The following FHIP1B variants were observed in gnomAD, a reference collection of about 807,000 sequenced individuals.
The protein encoded by FHIP1B is FHF complex subunit HOOK interacting protein 1B, also known as FHF complex subunit HOOK-interacting protein 1B.
In FHIP1B, 28 loss-of-function variants were observed where a neutral mutation model predicts 82.2. The ratio of observed to expected loss-of-function variants is 0.34; its 90% CI spans 0.25 to 0.47. The LOEUF is 0.47. Among genes scored for constraint, FHIP1B ranks in the 20% least tolerant of loss-of-function variants. The pLI, the probability that FHIP1B is intolerant of heterozygous loss-of-function variation, is 1.00. For synonymous variants in FHIP1B, 585 were observed against 516.1 expected (o/e 1.13, Z -1.81); for missense variants, 1,110 against 1,262.6 (o/e 0.88, Z 1.83).
chr11:6,226,008 C>T (rs1847554731), intron 1 of FHIP1B, among the ~76,000 whole-genome samples: 1 of 152,108 alleles, frequency 6.6e-6, no homozygotes, highest in South Asian at 2.1e-4. Context: ...TTCTCCTTTA[C>T]AGCCACCACA....
chr11:6,223,631 C>A lies in FHIP1B; in HGVS notation c.756G>T (p.Ala252=). The change falls in exon 3 of 12, where the codon GCG becomes GCT. Residue 252 remains alanine (A), a synonymous_variant. Transcript: ENST00000449352. The surrounding 1 kb of genome is among the most constrained non-coding windows in gnomAD (Gnocchi z 4.8). ...AGSPTVGRYI[A]DHSYFCPVLA... ...TAACCGGGCAGAAGTAAGAGTGATCCGCGATGTAGCGGCCCACAGTGGGGC... is the reference window on the plus strand; with the variant it reads ...TAACCGGGCAGAAGTAAGAGTGATCAGCGATGTAGCGGCCCACAGTGGGGC... 6.3e-7 allele frequency: 1 copy of A among 1,598,286 alleles called. No homozygotes were observed. The highest frequency in any genetic ancestry group is 1.1e-5 in the South Asian group (1 of 88,582).
At position 6,224,154 on chromosome 11, in the gene FHIP1B, G is replaced by A. The variant is rs1365511145; in HGVS notation, c.233C>T (p.Thr78Ile). ...AVRNHTYQML[T>I]LLAEDRAVPS... ...AACTGCACGGTCCTCTGCCAGCAGT[G>A]TCAACATCTGGTAAGTGTGGTTGCG... The change falls in exon 3 of 12, where the codon ACA (threonine) becomes ATA (isoleucine). Residue 78 changes from threonine to isoleucine, a missense_variant. This residue lies in a region of FHIP1B where 467 missense variants were observed against 602.9 expected (regional missense o/e 0.77). Coordinates refer to ENST00000449352, the MANE Select transcript of FHIP1B (RefSeq NM_001098794.2). 4 of 1,614,064 alleles carry A rather than the reference G, an allele frequency of 2.5e-6. No homozygotes were observed. The East Asian group carries it at 6.7e-5, about 27-fold the overall frequency.
chr11:6,233,602 T>G (rs1847758640), intron 1 of FHIP1B, among the ~76,000 whole-genome samples: 1 of 152,220 alleles, frequency 6.6e-6, no homozygotes, highest in South Asian at 2.1e-4. Flanking sequence ...ACTAGCTTTT[T>G]AAAAAATTCA....
chr11:6,214,614 A>G (rs376491093), intron 10 of FHIP1B, 41 bp from the exon 11 acceptor site: 7 of 1,583,494 alleles, frequency 4.4e-6, no homozygotes, highest in Non-Finnish European at 5.2e-6. Flanking sequence ...GCAGCTCTAG[A>G]CTGATACAGT....
At chr11:6,218,818 C>A in intron 7 of FHIP1B, 55 bp from the exon 8 acceptor site, 2 of 1,596,342 alleles carry the variant, frequency 1.3e-6, no homozygotes, top group Non-Finnish European at 8.6e-7. Context: ...AAGGACAGGG[C>A]CTAGAGGAAC....
intron 8 of FHIP1B, 52 bp downstream of exon 8, chr11:6,218,548 T>C (rs756754195): frequency 1.2e-6 from 2 of 1,610,250 alleles, no homozygotes; most frequent in Admixed American, 1.7e-5. Flanking sequence ...CCCCAGAACC[T>C]AGGCCATACC....
At chr11:6,230,746 G>C (rs1469644408) in intron 1 of FHIP1B, among the ~76,000 whole-genome samples, 1 of 152,214 alleles carries the variant, frequency 6.6e-6, no homozygotes, top group African/African-American at 2.4e-5. Flanking sequence ...TGTCAAAAAG[G>C]AGGTGAAACT....
At chr11:6,225,782 A>G (rs1397763542) in intron 1 of FHIP1B, among the ~76,000 whole-genome samples, 1 of 152,152 alleles carries the variant, frequency 6.6e-6, no homozygotes, top group East Asian at 1.9e-4. Context: ...AGATGAGCAA[A>G]TAAGACCCTT....
intron 6 of FHIP1B, among the ~76,000 whole-genome samples, chr11:6,219,710 AAC>A (rs1847353399): frequency 6.6e-6 from 1 of 152,180 alleles, no homozygotes; most frequent in African/African-American, 2.4e-5. Flanking sequence ...AGGTAAAGAA[AAC>A]ACATATGTAA....
chr11:6,225,939 T>C lies in FHIP1B; in HGVS notation c.-191-1232A>G, dbSNP rs925753205. On this transcript the variant is annotated intron_variant, in intron 1 of 11. Coordinates refer to ENST00000449352, the MANE Select transcript of FHIP1B (RefSeq NM_001098794.2). ...TCGCTCCCAAGAAAATGGTAAGACA[T>C]CCTCACAAGAAAAAGGAAAAAAGTA... is the stretch of plus-strand genomic sequence containing the variant. Among the ~76,000 whole-genome samples, 3 of 152,052 alleles carry C rather than the reference T, an allele frequency of 2.0e-5. 1 individual carries two copies. Among genetic ancestry groups the C allele is most frequent in the Admixed American group, 1.3e-4 (2 of 15,254 alleles).
intron 1 of FHIP1B, among the ~76,000 whole-genome samples, chr11:6,230,040 G>T (rs939090509): frequency 6.6e-6 from 1 of 150,612 alleles, no homozygotes; most frequent in African/African-American, 2.4e-5. Context: ...CAGCCACAGA[G>T]TAAAAAGGGG....
In FHIP1B at chr11:6,211,541, G is replaced by T; in HGVS notation, c.2884C>A (p.Pro962Thr). The change falls in exon 12 of 12, where the codon CCT becomes ACT. Residue 962 changes from proline (P) to threonine (T), a missense_variant. Pro to Thr is a conservative substitution (Grantham distance 38, BLOSUM62 -1). Transcript: ENST00000449352. ...AGGGGCCCACAGCCTGAGATGAGAG[G>T]GCCAGATCCTTCCTCTGAAGTCTCC... ...LLETSEEGSG[P>T]LISGCGPLNP 6.2e-7 allele frequency: 1 copy of T among 1,612,156 alleles called. No individual in the cohort carries two copies. The highest frequency in any genetic ancestry group is 2.2e-5 in the East Asian group (1 of 44,866).
In FHIP1B at chr11:6,217,976, C is replaced by T. The variant is rs752890227; in HGVS notation, c.1610G>A (p.Arg537Gln). Residue 537 changes from arginine (R) to glutamine (Q), a missense_variant, in exon 9 of 12, where the codon CGG becomes CAG. Physicochemically the swap from Arg to Gln is conservative, Grantham distance 43. This residue lies in a region of FHIP1B where 418 missense variants were observed against 371.4 expected (regional missense o/e 1.13). Coordinates refer to ENST00000449352, the MANE Select transcript of FHIP1B (RefSeq NM_001098794.2). ...SASPASSPGR[R>Q]PTPAEEPGEL... ...TCCAGGCTCCTCTGCAGGGGTAGGCCGTCGGCCAGGGCTGGAGGCGGGGGA... is the reference window on the plus strand; with the variant it reads ...TCCAGGCTCCTCTGCAGGGGTAGGCTGTCGGCCAGGGCTGGAGGCGGGGGA... The T allele has an allele frequency of 6.3e-5, 101 of 1,613,208 alleles. No homozygotes were observed. The highest frequency in any genetic ancestry group is 7.9e-5 in the Non-Finnish European group (93 of 1,180,006).
Position 6,223,509 on chromosome 11 carries a change from G to A in FHIP1B, c.777+101C>T. The A allele has an allele frequency of 4.9e-6, 7 of 1,416,356 alleles. No homozygotes were observed. Among genetic ancestry groups the A allele is most frequent in the Non-Finnish European group, 6.7e-6 (7 of 1,045,216 alleles). The allele number at this position is 1,416,356 out of a possible 1,614,324, so 87.7% of individuals were successfully genotyped here. On this transcript the variant is annotated intron_variant, in intron 3 of 11. Coordinates refer to ENST00000449352, the MANE Select transcript of FHIP1B (RefSeq NM_001098794.2). The surrounding 1 kb of genome is among the most constrained non-coding windows in gnomAD (Gnocchi z 4.8). ...CAAATCCAGGAACTGTTTCCTAGGG[G>A]AACGGGCCCTGGAACATAGCCTCTC...
intron 11 of FHIP1B, 149 bp downstream of exon 11, chr11:6,214,262 C>G (rs1050989084): frequency 4.1e-6 from 4 of 965,584 alleles, no homozygotes; most frequent in Non-Finnish European, 6.2e-6. Context: ...TGTCCCCTGA[C>G]CAGAAGCCTG....
In FHIP1B at chr11:6,223,762, G is replaced by T; in HGVS notation, c.625C>A (p.Arg209Ser). 1 of 1,614,210 alleles carries T rather than the reference G, an allele frequency of 6.2e-7. No homozygotes were observed. The highest frequency in any genetic ancestry group is 8.5e-7 in the Non-Finnish European group (1 of 1,180,024). The change falls in exon 3 of 12, where the codon CGT becomes AGT. Residue 209 changes from arginine to serine, a missense_variant. Coordinates refer to ENST00000449352, the MANE Select transcript of FHIP1B (RefSeq NM_001098794.2). The surrounding 1 kb of genome is among the most constrained non-coding windows in gnomAD (Gnocchi z 4.8). ...QPPPEPGAAP[R>S]LLLFSRLVPF... ...ACAAGGCGAGAAAAGAGAAGAAGAC[G>T]GGGAGCGGCTCCAGGCTCAGGAGGT...
At chr11:6,215,830 T>C (rs1310939743) in intron 9 of FHIP1B, among the ~76,000 whole-genome samples, 3 of 152,126 alleles carry the variant, frequency 2.0e-5, no homozygotes, top group East Asian at 3.8e-4. Flanking sequence ...AAAGGGAGTA[T>C]ATATCTAAGA....
intron 1 of FHIP1B, among the ~76,000 whole-genome samples, chr11:6,233,844 T>C (rs1847766955): frequency 6.6e-6 from 1 of 152,172 alleles, no homozygotes; most frequent in African/African-American, 2.4e-5. Context: ...AGAGGGCCCA[T>C]CTTCAACTAT....
intron 9 of FHIP1B, chr11:6,216,955 C>T (rs73392989): frequency 2.3e-4 from 146 of 627,464 alleles, no homozygotes; most frequent in African/African-American, 2.1e-3. Flanking sequence ...ATAAACTGGA[C>T]GGAATGGCAT....
Sources: gnomAD v4.1 joint callset for allele counts (sites outside exome capture counted in the v4.1 genomes callset) on GRCh38, gnomAD v4.1.1 for gene constraint, gnomAD v4.1.1 regional missense constraint, Gnocchi (gnomAD v3.1) non-coding constraint, MANE v1.5 for transcripts, NCBI Gene and HGNC (gene_info 2026-07-23, HGNC 2026-07-21) for gene names.